C18orf54: variants seen among roughly 807,000 people sequenced by gnomAD.
C18orf54 encodes the protein chromosome 18 open reading frame 54, also known as lung adenoma susceptibility protein 2.
Under a neutral mutation model 49.3 loss-of-function variants are expected in C18orf54, and 49 were observed. That is an observed-to-expected ratio of 0.99 (90% CI 0.79 to 1.26). The LOEUF (loss-of-function observed/expected upper bound fraction) is 1.26, where lower values mean the gene tolerates loss of function less well. Among genes scored for constraint, C18orf54 ranks in the 50% most tolerant of loss-of-function variants. The pLI is 0.00. For synonymous variants in C18orf54, 211 were observed against 216.6 expected (o/e 0.97, Z 0.23); for missense variants, 687 against 620.6 (o/e 1.11, Z -1.14).
At chr18:54,365,877 A>C in intron 6 of C18orf54, 56 bp downstream of exon 6, 1 of 1,015,018 alleles carries the variant, frequency 9.9e-7, no homozygotes, top group Non-Finnish European at 1.4e-6. Flanking sequence ...TAATATGTAG[A>C]TACTAATTTT....
chr18:54,375,105 T>C (rs570029895), intron 8 of C18orf54, among the ~76,000 whole-genome samples: 1 of 152,092 alleles, frequency 6.6e-6, no homozygotes, highest in East Asian at 1.9e-4. Flanking sequence ...GTATAAATAA[T>C]GCACCTTTGT....
chr18:54,371,957 A>G (rs1006075063), intron 6 of C18orf54, among the ~76,000 whole-genome samples: 12 of 152,070 alleles, frequency 7.9e-5, no homozygotes, highest in Non-Finnish European at 1.2e-4. Context: ...TTGAACACAA[A>G]TAAGTCCAGG....
Position 54,365,773 on chromosome 18 carries a change from A to G in C18orf54, c.1278A>G (p.Ala426=), listed in dbSNP as rs2089369845. The G allele has an allele frequency of 1.2e-6, 2 of 1,600,774 alleles. No individual in the cohort carries two copies. The highest frequency in any genetic ancestry group is 2.3e-5 in the South Asian group (2 of 88,868). ...ATAGTCCTCAACAAACTTCAAGGGCAAAGAGTGCTAAAGGGGTTCTTGAAG... is the reference window on the plus strand; with the variant it reads ...ATAGTCCTCAACAAACTTCAAGGGCGAAGAGTGCTAAAGGGGTTCTTGAAG... ...SDDSPQQTSR[A]KSAKGVLEDF... The change falls in exon 6 of 9, where the codon GCA becomes GCG. Residue 426 remains alanine (A), a synonymous_variant. Transcript: ENST00000620105.
At chr18:54,368,910 C>T (rs533148127) in intron 6 of C18orf54, among the ~76,000 whole-genome samples, 113 of 152,248 alleles carry the variant, frequency 7.4e-4, no homozygotes, top group African/African-American at 2.2e-3. Context: ...TAATTAGTTA[C>T]GCTGCTGTTC....
rs546816755 is a variant in C18orf54 at position 54,378,309 on chromosome 18, A to G, written c.*63A>G. On this transcript the variant is annotated 3_prime_UTR_variant, in exon 9 of 9. Transcript: ENST00000620105. ...CACAGAACAAATAGGCATTTTTTCTATTACTTAAACTGACAAAGTAAATAT... is the reference window on the plus strand; with the variant it reads ...CACAGAACAAATAGGCATTTTTTCTGTTACTTAAACTGACAAAGTAAATAT... The G allele has an allele frequency of 2.3e-4, 324 of 1,394,258 alleles. No individual in the cohort carries two copies. The highest frequency in any genetic ancestry group is 3.1e-4 in the Non-Finnish European group (304 of 988,526). 86.4% of individuals were successfully genotyped at this position (1,394,258 alleles called of 1,614,324 possible). A position where few individuals can be genotyped will look rare whatever the true frequency, so the allele number is the denominator to read the frequency against.
At chr18:54,370,333 A>C (rs2089464581) in intron 6 of C18orf54, among the ~76,000 whole-genome samples, 2 of 152,124 alleles carry the variant, frequency 1.3e-5, no homozygotes, top group African/African-American at 4.8e-5. Context: ...TACTGTTGAC[A>C]TTGTAGTATT....
At chr18:54,371,777 T>G (rs938743370) in intron 6 of C18orf54, among the ~76,000 whole-genome samples, 2 of 152,124 alleles carry the variant, frequency 1.3e-5, no homozygotes, top group African/African-American at 4.8e-5. Flanking sequence ...CAGACATCTG[T>G]ACAGTCCTAT....
rs111550810 is a variant in C18orf54, at chr18:54,361,902, C to T, written c.543C>T (p.Asn181=). Residue 181 remains asparagine, a synonymous_variant, in exon 4 of 9, where the codon AAC becomes AAT. Coordinates refer to ENST00000620105, the MANE Select transcript of C18orf54 (RefSeq NM_001288980.2). ...CCTACACTTCCATGGGCAAGGATAA[C>T]TTTGTTACTCCTGTTATACGCTCAA... ...QGPYTSMGKD[N]FVTPVIRSNI... is the part of the protein sequence containing the mutation. The T allele has an allele frequency of 8.0e-5, 129 of 1,614,088 alleles. No homozygotes were observed. The African/African-American group carries it at 1.4e-3, about 17-fold the overall frequency.
intron 1 of C18orf54, among the ~76,000 whole-genome samples, chr18:54,358,310 G>A (rs2089188135): frequency 6.6e-6 from 1 of 152,196 alleles, no homozygotes; most frequent in African/African-American, 2.4e-5. Flanking sequence ...GGAGGGTCGC[G>A]GGACGCGGCG....
chr18:54,359,383 C>T (rs1051757224), intron 2 of C18orf54, among the ~76,000 whole-genome samples: 3 of 152,176 alleles, frequency 2.0e-5, no homozygotes, highest in African/African-American at 7.2e-5. Flanking sequence ...ATCAATGAGA[C>T]GAAACAACTG....
intron 3 of C18orf54, 26 bp downstream of exon 3, chr18:54,360,881 T>G (rs532080227): frequency 6.3e-7 from 1 of 1,583,888 alleles, no homozygotes; most frequent in Admixed American, 1.7e-5. Flanking sequence ...TTGTTTTCTT[T>G]GTGTTCAGAT....
rs774612206 is a variant in C18orf54, at chr18:54,381,139, A to G, written c.*2893A>G. 2 of 152,136 alleles carry G rather than the reference A, an allele frequency of 1.3e-5. No homozygotes were observed. Among genetic ancestry groups the G allele is most frequent in the Non-Finnish European group, 2.9e-5 (2 of 68,000 alleles). The allele number at this position is 152,136 out of a possible 1,614,324, so 9.4% of individuals were successfully genotyped here. On this transcript the variant is annotated 3_prime_UTR_variant, in exon 9 of 9. Coordinates refer to ENST00000620105, the MANE Select transcript of C18orf54 (RefSeq NM_001288980.2). ...TTGAGGCCTAATCCTGAACACATAT[A>G]GAGCATATTGTTAGATATTTTTCCT...
chr18:54,358,389 C>T (rs2089190711), intron 1 of C18orf54, among the ~76,000 whole-genome samples: 1 of 152,054 alleles, frequency 6.6e-6, no homozygotes, highest in African/African-American at 2.4e-5. Flanking sequence ...CTGGGGCTGT[C>T]GCTTCGGAAC....
intron 2 of C18orf54, 55 bp from the exon 3 acceptor site, chr18:54,360,467 ATTTTG>A: frequency 9.2e-7 from 1 of 1,084,106 alleles, no homozygotes; most frequent in South Asian, 1.7e-5. Context: ...ATATTTAGTA[ATTTTG>A]TTTGTGTATG....
intron 1 of C18orf54, among the ~76,000 whole-genome samples, 160 bp downstream of exon 1, chr18:54,358,235 G>A (rs2089186232): frequency 6.6e-6 from 1 of 152,152 alleles, no homozygotes; most frequent in African/African-American, 2.4e-5. Flanking sequence ...CGTCTCCTGA[G>A]GGAGGGCGCT....
At chr18:54,371,079 C>T (rs1254392892) in intron 6 of C18orf54, among the ~76,000 whole-genome samples, 3 of 152,084 alleles carry the variant, frequency 2.0e-5, no homozygotes, top group Non-Finnish European at 4.4e-5. Flanking sequence ...GTAGCTATCA[C>T]CATCGTCCAT....
At chr18:54,369,411 C>T (rs2089443910) in intron 6 of C18orf54, among the ~76,000 whole-genome samples, 1 of 150,784 alleles carries the variant, frequency 6.6e-6, no homozygotes, top group Non-Finnish European at 1.5e-5. Context: ...GAATTGCTAA[C>T]CCATATTCCT....
At position 54,362,395 on chromosome 18, in the gene C18orf54, C is replaced by T; in HGVS notation, c.1036C>T (p.Pro346Ser). The T allele has an allele frequency of 6.5e-7, 1 of 1,531,564 alleles. No homozygotes were observed. Among genetic ancestry groups the T allele is most frequent in the Non-Finnish European group, 8.7e-7 (1 of 1,144,172 alleles). 94.9% of individuals were successfully genotyped at this position (1,531,564 alleles called of 1,614,324 possible). Residue 346 changes from proline (P) to serine (S), a missense_variant, in exon 4 of 9, where the codon CCA (proline) becomes TCA (serine). Transcript: ENST00000620105. ...ACATAGCCAGTGTCAATGTGAGAAT[C>T]CACTTCTCCCAGGACAATCCACAAA... is the stretch of plus-strand genomic sequence containing the variant. Reference protein sequence around the residue: ...FEHSQCQCENPLLPGQSTKPF... With the variant: ...FEHSQCQCENSLLPGQSTKPF...
intron 8 of C18orf54, among the ~76,000 whole-genome samples, 177 bp from the exon 9 acceptor site, chr18:54,377,997 C>A (rs996437311): frequency 6.6e-6 from 1 of 151,972 alleles, no homozygotes; most frequent in Admixed American, 6.6e-5. Flanking sequence ...ATTATTTTAA[C>A]CCTCAATTAT....
Sources: allele counts gnomAD v4.1 joint callset (sites outside exome capture counted in the v4.1 genomes callset), GRCh38; gene constraint gnomAD v4.1.1; transcripts MANE v1.5; gene names NCBI Gene and HGNC (gene_info 2026-07-23, HGNC 2026-07-21).